PRLR: variants seen among roughly 807,000 people sequenced by gnomAD.
PRLR encodes the protein prolactin receptor.
Under a neutral mutation model 40.2 loss-of-function variants are expected in PRLR, and 13 were observed. The observed-to-expected ratio is 0.32, with a 90% confidence interval of 0.21 to 0.51. PRLR has a LOEUF of 0.51. PRLR is among the 20% of genes least tolerant of loss of function. PRLR has a pLI of 0.97. For synonymous variants in PRLR, 269 were observed against 278.7 expected, an observed-to-expected ratio of 0.97 and a Z score of 0.35; for missense variants, 656 against 747.3, an observed-to-expected ratio of 0.88 and a Z score of 1.42.
At chr5:35,078,790 A>C (rs1770290129) in intron 5 of PRLR, among the ~76,000 whole-genome samples, 1 of 152,208 alleles carries the variant, frequency 6.6e-6, no homozygotes, top group Non-Finnish European at 1.5e-5. Context: ...CCTGATGAAC[A>C]TTGATGCAAG....
At chr5:35,068,968 T>G (rs1769577259) in intron 7 of PRLR, 90 bp from the exon 8 acceptor site, 3 of 913,024 alleles carry the variant, frequency 3.3e-6, no homozygotes, top group Admixed American at 4.6e-5. Context: ...AACCCAAGAG[T>G]GTTTTCCTCC....
intron 1 of PRLR, among the ~76,000 whole-genome samples, chr5:35,154,711 T>G (rs1427130488): frequency 6.6e-6 from 1 of 152,166 alleles, no homozygotes; most frequent in Non-Finnish European, 1.5e-5. Context: ...GCAGCACTAT[T>G]CACAATAGCA....
chr5:35,129,589 C>A (rs1182167636), intron 1 of PRLR, among the ~76,000 whole-genome samples: 1 of 152,084 alleles, frequency 6.6e-6, no homozygotes, highest in Non-Finnish European at 1.5e-5. Context: ...TGAAAAGATT[C>A]CAGAAGCTTT....
At chr5:35,116,313 A>AT (rs1406196773) in intron 2 of PRLR, among the ~76,000 whole-genome samples, 11 of 152,198 alleles carry the variant, frequency 7.2e-5, no homozygotes, top group South Asian at 2.1e-4. Context: ...TATTTGGTTA[A>AT]TTTTTTTTAA....
chr5:35,173,869 C>T (rs564257817), intron 1 of PRLR, among the ~76,000 whole-genome samples: 11 of 151,972 alleles, frequency 7.2e-5, no homozygotes, highest in East Asian at 3.9e-4. Context: ...TTCTAGGGTA[C>T]GTGTGCACAA....
rs569337817 is a variant in PRLR at position 35,058,056 on chromosome 5, G to A, written c.*7033C>T. On this transcript the variant is annotated 3_prime_UTR_variant, in exon 10 of 10. Coordinates refer to ENST00000618457, the MANE Select transcript of PRLR (RefSeq NM_000949.7). ...TTCTTTCTGAATCTTTCTTGCAGCCGGTTTTTATAAAATATAAACATGTAA... is the reference window on the plus strand; with the variant it reads ...TTCTTTCTGAATCTTTCTTGCAGCCAGTTTTTATAAAATATAAACATGTAA... 1.1e-4 allele frequency: 16 copies of A among 151,608 alleles called. No individual in the cohort carries two copies. The highest frequency in any genetic ancestry group is 7.7e-4 in the East Asian group (4 of 5,162). 9.4% of individuals were successfully genotyped at this position (151,608 alleles called of 1,614,324 possible).
At chr5:35,066,823 G>T (rs1412220339) in intron 9 of PRLR, among the ~76,000 whole-genome samples, 1 of 147,886 alleles carries the variant, frequency 6.8e-6, no homozygotes, top group Non-Finnish European at 1.5e-5. Flanking sequence ...GAGTGCAGTG[G>T]CATGATCTCG....
At chr5:35,087,868 T>G (rs1443868953) in intron 3 of PRLR, among the ~76,000 whole-genome samples, 1 of 152,212 alleles carries the variant, frequency 6.6e-6, no homozygotes, top group Non-Finnish European at 1.5e-5. Flanking sequence ...TGACTTCAGC[T>G]GATCCTCTTT....
intron 2 of PRLR, among the ~76,000 whole-genome samples, chr5:35,101,458 G>A (rs1771871478): frequency 6.6e-6 from 1 of 152,150 alleles, no homozygotes; most frequent in Non-Finnish European, 1.5e-5. Flanking sequence ...GTGGCTGCAA[G>A]GTGGTTGGGT....
intron 1 of PRLR, among the ~76,000 whole-genome samples, chr5:35,138,426 G>A (rs1388929064): frequency 6.6e-6 from 1 of 152,194 alleles, no homozygotes; most frequent in Admixed American, 6.5e-5. Context: ...GAGATGGGCA[G>A]TCAGGAAGTT....
chr5:35,177,368 T>C (rs1288535564), intron 1 of PRLR, among the ~76,000 whole-genome samples: 6 of 152,202 alleles, frequency 3.9e-5, no homozygotes, highest in Non-Finnish European at 5.9e-5. Flanking sequence ...TCAGTGGTTT[T>C]TGGTATATTC....
intron 2 of PRLR, among the ~76,000 whole-genome samples, chr5:35,102,135 T>C (rs1392391605): frequency 6.6e-6 from 1 of 152,100 alleles, no homozygotes; most frequent in Non-Finnish European, 1.5e-5. Context: ...GCCAAACTTT[T>C]AATCTATTGG....
intron 1 of PRLR, among the ~76,000 whole-genome samples, chr5:35,126,298 G>A (rs866598907): frequency 2.0e-4 from 30 of 152,230 alleles, no homozygotes; most frequent in Middle Eastern, 6.8e-3. Context: ...ATAAGCCAGG[G>A]GATCTGGCTC....
chr5:35,061,894 T>C lies in PRLR; in HGVS notation c.*3195A>G, dbSNP rs943342090. 1.3e-5 allele frequency: 2 copies of C among 152,184 alleles called. No homozygotes were observed. Among genetic ancestry groups the C allele is most frequent in the African/African-American group, 4.8e-5 (2 of 41,456 alleles). The allele number at this position is 152,184 out of a possible 1,614,324, so 9.4% of individuals were successfully genotyped here. A position where few individuals can be genotyped will look rare whatever the true frequency, so the allele number is the denominator to read the frequency against. On this transcript the variant is annotated 3_prime_UTR_variant, in exon 10 of 10. Transcript: ENST00000618457. ...ATATAAGAAAAGAGATTTGGGGCTG[T>C]TGGATTCAGCAAGGAATGAGCATGG... is the stretch of plus-strand genomic sequence containing the variant.
At chr5:35,087,430 G>A (rs1770927483) in intron 3 of PRLR, among the ~76,000 whole-genome samples, 1 of 151,080 alleles carries the variant, frequency 6.6e-6, no homozygotes, top group Non-Finnish European at 1.5e-5. Flanking sequence ...CTTTGTGTGT[G>A]TGTGTGTGTG....
At chr5:35,048,853 G>A in exon 9 of PRLR, 2 of 283,750 alleles carry the variant, frequency 7.0e-6, no homozygotes, top group Non-Finnish European at 1.4e-5. Context: ...GCTTTACATG[G>A]CAGTGCCTAA....
intron 1 of PRLR, among the ~76,000 whole-genome samples, chr5:35,185,840 G>A (rs1487132407): frequency 3.3e-5 from 5 of 152,160 alleles, no homozygotes; most frequent in Non-Finnish European, 7.3e-5. Flanking sequence ...GGAGAGAGTC[G>A]TGATTGTATT....
intron 2 of PRLR, among the ~76,000 whole-genome samples, chr5:35,105,669 A>C (rs1352373295): frequency 6.6e-6 from 1 of 152,196 alleles, no homozygotes; most frequent in African/African-American, 2.4e-5. Flanking sequence ...TGAGAAGAGA[A>C]GTTTAGAGAA....
intron 2 of PRLR, 38 bp downstream of exon 2, chr5:35,118,023 T>C (rs1773126141): frequency 1.0e-6 from 1 of 953,482 alleles, no homozygotes; most frequent in African/African-American, 1.8e-5. Flanking sequence ...GGCAGATGGG[T>C]GGTGTGACCG....
Sources: allele counts gnomAD v4.1 joint callset (sites outside exome capture counted in the v4.1 genomes callset), GRCh38; gene constraint gnomAD v4.1.1; transcripts MANE v1.5; gene names NCBI Gene and HGNC (gene_info 2026-07-23, HGNC 2026-07-21).